The following PRR12 variants were observed in gnomAD, a reference collection of about 807,000 sequenced individuals.
PRR12 encodes proline-rich protein 12.
PRR12 carries 12 observed loss-of-function variants against 138.0 expected under a neutral mutation model. That is an observed-to-expected ratio of 0.09 (90% confidence interval 0.06 to 0.14). The LOEUF (loss-of-function observed/expected upper bound fraction) is 0.14, where lower values mean the gene tolerates loss of function less well. Among genes scored for constraint, PRR12 ranks in the 10% least tolerant of loss-of-function variants. The probability of loss-of-function intolerance (pLI) is 1.00; values close to 1 mark genes in which losing one functional copy is unlikely to be tolerated. For synonymous variants in PRR12, 1,567 were observed against 1,291.7 expected (o/e 1.21, Z -4.57); for missense variants, 2,692 against 2,861.3 (o/e 0.94, Z 1.35).
At chr19:49,619,977 C>T (rs993583712) in intron 9 of PRR12, among the ~76,000 whole-genome samples, 3 of 149,924 alleles carry the variant, frequency 2.0e-5, no homozygotes, top group Non-Finnish European at 2.9e-5. Context: ...CTCAGCCTTC[C>T]GAGTAGCTGG....
At position 49,616,382 on chromosome 19, in the gene PRR12, G is replaced by C. The variant is rs1025429833; in HGVS notation, c.5497+163G>C. On this transcript the variant is annotated intron_variant, in intron 9 of 13. Coordinates refer to ENST00000418929, the MANE Select transcript of PRR12 (RefSeq NM_020719.3). The surrounding 1 kb of genome is among the most constrained non-coding windows in gnomAD (Gnocchi z 4.2). Reference sequence around the variant, plus strand: ...CACGGGGCATCTCACTACACGACAGGCTGCCTCCTGAGAAGCTGATGGATG... The same window carrying C: ...CACGGGGCATCTCACTACACGACAGCCTGCCTCCTGAGAAGCTGATGGATG... Among the ~76,000 whole-genome samples, 1 of 151,922 alleles carries C rather than the reference G, an allele frequency of 6.6e-6. No individual in the cohort carries two copies. Among genetic ancestry groups the C allele is most frequent in the African/African-American group, 2.4e-5 (1 of 41,314 alleles).
At position 49,596,090 on chromosome 19, in the gene PRR12, C is replaced by T. The variant is rs1344262943; in HGVS notation, c.1755C>T (p.Ala585=). 1.9e-6 allele frequency: 3 copies of T among 1,602,218 alleles called. No homozygotes were observed. The highest frequency in any genetic ancestry group is 3.3e-5 in the Admixed American group (2 of 60,000). ...CACCTGGAGTCGGCTCTCCAGGAGC[C>T]CCTGGCAAATACCTGAGCTCAGTCT... The part of the protein sequence containing the change: ...GRPPGVGSPG[A]PGKYLSSVLA... Residue 585 remains alanine (A), a synonymous_variant, in exon 4 of 14, where the codon GCC becomes GCT. Coordinates refer to ENST00000418929, the MANE Select transcript of PRR12 (RefSeq NM_020719.3). This position sits in a 1 kb window ranked among gnomAD's most constrained non-coding sequence, Gnocchi z 5.6.
In PRR12 at chr19:49,595,952, A is replaced by G. The variant is rs780336842; in HGVS notation, c.1617A>G (p.Pro539=). The G allele has an allele frequency of 5.0e-6, 8 of 1,600,824 alleles. No homozygotes were observed. The South Asian group carries it at 8.8e-5, about 18-fold the overall frequency. Residue 539 remains proline (P), a synonymous_variant, in exon 4 of 14, where the codon CCA becomes CCG. Coordinates refer to ENST00000418929, the MANE Select transcript of PRR12 (RefSeq NM_020719.3). ...PSLSYSTGHS[P]ALSGHGGGWG... ...TCAGCTACAGTACCGGCCATTCCCC[A>G]GCGCTCTCGGGCCATGGGGGTGGCT...
Position 49,597,804 on chromosome 19 carries a change from C to A in PRR12, c.3469C>A (p.Arg1157Ser). 6.4e-7 allele frequency: 1 copy of A among 1,560,312 alleles called. No homozygotes were observed. The highest frequency in any genetic ancestry group is 2.3e-5 in the East Asian group (1 of 43,458). Residue 1157 changes from arginine to serine, a missense_variant, in exon 4 of 14, where the codon CGC (arginine) becomes AGC (serine). By Grantham distance (110) the Arg-to-Ser change is moderately radical. Around this residue, in one of 11 missense-constraint regions of PRR12, gnomAD observed 326 missense variants for 344.2 expected, o/e 0.95. Transcript: ENST00000418929. The surrounding 1 kb of genome is among the most constrained non-coding windows in gnomAD (Gnocchi z 6.3). The stretch of plus-strand genomic sequence containing the variant: ...ACCCGATGGCCCCCGGCGCCGTGGC[C>A]GCAAGCCCACGAAGGCGAAACGTGA... ...PGPDGPRRRG[R>S]KPTKAKRDGP...
At position 49,625,122 on chromosome 19, in the gene PRR12, G is replaced by C. The variant is rs1432739637; in HGVS notation, c.5886G>C (p.Leu1962=). The change falls in exon 13 of 14, where the codon CTG becomes CTC. Residue 1962 remains leucine, a synonymous_variant. Transcript: ENST00000418929. The surrounding 1 kb of genome is among the most constrained non-coding windows in gnomAD (Gnocchi z 5.5). ...VVRAQEFKVE[L]EKSGYYTLYH... ...CTACCCAGGAGTTCAAGGTTGAGCTGGAAAAGTCGGGATACTATACACTCT... is the reference window on the plus strand; with the variant it reads ...CTACCCAGGAGTTCAAGGTTGAGCTCGAAAAGTCGGGATACTATACACTCT... 1 of 1,613,632 alleles carries C rather than the reference G, an allele frequency of 6.2e-7. No homozygotes were observed. The highest frequency in any genetic ancestry group is 2.2e-5 in the East Asian group (1 of 44,866).
In PRR12 at chr19:49,601,584, C is replaced by A; in HGVS notation, c.4439C>A (p.Pro1480Gln). ...CCGCCACCCCCTCCGCCGCCACAGC[C>A]AGCCCTGCCCTCGCCACCCCCGCTG... is the stretch of plus-strand genomic sequence containing the variant. ...QPPPPPPPPQ[P>Q]ALPSPPPLVA... Residue 1480 changes from proline to glutamine, a missense_variant, in exon 6 of 14, where the codon CCA becomes CAA. Physicochemically the swap from Pro to Gln is moderately conservative, Grantham distance 76. Transcript: ENST00000418929. 6.5e-7 allele frequency: 1 copy of A among 1,544,622 alleles called. No individual in the cohort carries two copies. The highest frequency in any genetic ancestry group is 1.2e-5 in the South Asian group (1 of 83,938).
Position 49,595,192 on chromosome 19 carries a change from A to C in PRR12, c.857A>C (p.Asp286Ala). 1 of 1,604,970 alleles carries C rather than the reference A, an allele frequency of 6.2e-7. No individual in the cohort carries two copies. The highest frequency in any genetic ancestry group is 8.5e-7 in the Non-Finnish European group (1 of 1,177,210). ...CCTGAGCGGGCCCTGCCACGCCAGG[A>C]CACGGTCATCAAGCACTACCAGCGG... is the stretch of plus-strand genomic sequence containing the variant. ...PPPERALPRQ[D>A]TVIKHYQRPA... Residue 286 changes from aspartate (D) to alanine (A), a missense_variant, in exon 4 of 14, where the codon GAC (aspartate) becomes GCC (alanine). Around this residue, in one of 11 missense-constraint regions of PRR12, gnomAD observed 523 missense variants for 496.4 expected, o/e 1.05. Coordinates refer to ENST00000418929, the MANE Select transcript of PRR12 (RefSeq NM_020719.3).
Position 49,625,215 on chromosome 19 carries a change from C to T in PRR12, c.5964+15C>T. The T allele has an allele frequency of 6.2e-7, 1 of 1,607,518 alleles. No homozygotes were observed. The highest frequency in any genetic ancestry group is 1.7e-4 in the Middle Eastern group (1 of 6,054). ...GCCGGGACCAGGTGAGCCCCACCCA[C>T]AGCACCCATCGCCCTGGGATTCCAA... is the stretch of plus-strand genomic sequence containing the variant. On this transcript the variant is annotated intron_variant, in intron 13 of 13. Coordinates refer to ENST00000418929, the MANE Select transcript of PRR12 (RefSeq NM_020719.3). This position sits in a 1 kb window ranked among gnomAD's most constrained non-coding sequence, Gnocchi z 5.5.
intron 8 of PRR12, 140 bp from the exon 9 acceptor site, chr19:49,615,607 G>GGAGGGGATCAGAGTCCCAGAGAGA: frequency 1.4e-6 from 1 of 713,104 alleles, no homozygotes; most frequent in Non-Finnish European, 2.3e-6. Flanking sequence ...TCCCAGAGAG[G>GGAGGGGATCAGAGTCCCAGAGAGA]GAGGGGAACA....
At position 49,595,453 on chromosome 19, in the gene PRR12, C is replaced by G; in HGVS notation, c.1118C>G (p.Ala373Gly). Residue 373 changes from alanine (A) to glycine (G), a missense_variant, in exon 4 of 14, where the codon GCT becomes GGT. Coordinates refer to ENST00000418929, the MANE Select transcript of PRR12 (RefSeq NM_020719.3). Reference protein sequence around the residue: ...TGPEAAGGGGAGGGGGGYRPI... With the variant: ...TGPEAAGGGGGGGGGGGYRPI... The stretch of plus-strand genomic sequence containing the variant: ...CCTGAGGCAGCAGGGGGCGGTGGGG[C>G]TGGGGGTGGTGGTGGAGGTTACCGC... 2 of 1,404,404 alleles carry G rather than the reference C, an allele frequency of 1.4e-6. No individual in the cohort carries two copies. The highest frequency in any genetic ancestry group is 2.0e-6 in the Non-Finnish European group (2 of 1,015,970). 87.0% of individuals were successfully genotyped at this position (1,404,404 alleles called of 1,614,324 possible). A position where few individuals can be genotyped will look rare whatever the true frequency, so the allele number is the denominator to read the frequency against.
chr19:49,594,417 C>T lies in PRR12; in HGVS notation c.200-37C>T. 1 of 1,516,172 alleles carries T rather than the reference C, an allele frequency of 6.6e-7. No homozygotes were observed. The highest frequency in any genetic ancestry group is 8.9e-7 in the Non-Finnish European group (1 of 1,129,136). The allele number at this position is 1,516,172 out of a possible 1,614,324, so 93.9% of individuals were successfully genotyped here. A position where few individuals can be genotyped will look rare whatever the true frequency, so the allele number is the denominator to read the frequency against. ...TCTCTCTTGACTGTATCCTACCCAC[C>T]CCCACCTGGCTGACTATAACCCCTG... On this transcript the variant is annotated intron_variant, in intron 2 of 13. Coordinates refer to ENST00000418929, the MANE Select transcript of PRR12 (RefSeq NM_020719.3). The surrounding 1 kb of genome is among the most constrained non-coding windows in gnomAD (Gnocchi z 5.6).
chr19:49,604,071 G>C (rs1471810492), intron 6 of PRR12, among the ~76,000 whole-genome samples: 1 of 151,922 alleles, frequency 6.6e-6, no homozygotes, highest in African/African-American at 2.4e-5. Flanking sequence ...CACCCATCTC[G>C]GCCTCCCAAA....
At chr19:49,592,270 T>TTG (rs71180642) in intron 1 of PRR12, among the ~76,000 whole-genome samples, 28,004 of 151,284 alleles carry the variant, frequency 0.19, 3,377 homozygotes, top group Non-Finnish European at 0.28. Context: ...TAAGCTGGGG[T>TTG]TGTGTGTGTG....
intron 6 of PRR12, among the ~76,000 whole-genome samples, chr19:49,605,620 C>T (rs2080834503): frequency 6.6e-6 from 1 of 152,272 alleles, no homozygotes; most frequent in Non-Finnish European, 1.5e-5. Flanking sequence ...TAGTCAAACG[C>T]AGCTGAGCCA....
chr19:49,600,125 C>T (rs901563306), intron 5 of PRR12, among the ~76,000 whole-genome samples, 187 bp downstream of exon 5: 1 of 152,190 alleles, frequency 6.6e-6, no homozygotes, highest in African/African-American at 2.4e-5. Flanking sequence ...TTCTAATTCA[C>T]TCAGAGGTGC....
rs375775679 is a variant in PRR12 at position 49,600,057 on chromosome 19, G to A, written c.4345+119G>A. On this transcript the variant is annotated intron_variant, in intron 5 of 13. Coordinates refer to ENST00000418929, the MANE Select transcript of PRR12 (RefSeq NM_020719.3). ...CCATTCACATACATGGTGTAAGCTT[G>A]CGTGTTTATGAAGGGACTTTCCTGA... The A allele has an allele frequency of 4.3e-5, 50 of 1,152,700 alleles. 1 individual carries two copies. Among genetic ancestry groups the A allele is most frequent in the East Asian group, 3.9e-4 (15 of 38,268 alleles). The allele number at this position is 1,152,700 out of a possible 1,614,324, so 71.4% of individuals were successfully genotyped here.
intron 6 of PRR12, among the ~76,000 whole-genome samples, chr19:49,604,629 C>T (rs2080829093): frequency 1.3e-5 from 2 of 152,030 alleles, no homozygotes; most frequent in South Asian, 4.1e-4. Flanking sequence ...AGAGAGCCAA[C>T]ATCACGCCAC....
At chr19:49,600,479 TC>T (rs1293789532) in intron 5 of PRR12, among the ~76,000 whole-genome samples, 5 of 127,972 alleles carry the variant, frequency 3.9e-5, no homozygotes, top group Non-Finnish European at 5.1e-5. Context: ...AGGGGAGTGT[TC>T]AAAAAAAAAA....
intron 1 of PRR12, 26 bp from the exon 2 acceptor site, chr19:49,593,301 C>G: frequency 4.1e-6 from 5 of 1,223,066 alleles, no homozygotes; most frequent in Non-Finnish European, 6.0e-6. Context: ...TGGAAGAACC[C>G]CCTGACGTCT....
Sources: allele counts gnomAD v4.1 joint callset (sites outside exome capture counted in the v4.1 genomes callset), GRCh38; gene constraint gnomAD v4.1.1; regional missense constraint gnomAD v4.1.1; non-coding constraint Gnocchi (gnomAD v3.1); transcripts MANE v1.5; gene names NCBI Gene and HGNC (gene_info 2026-07-23, HGNC 2026-07-21).